The following ERICH6 variants were observed in gnomAD, a reference collection of about 807,000 sequenced individuals.
The protein encoded by ERICH6 is glutamate rich 6.
ERICH6 carries 71 observed loss-of-function variants against 71.0 expected under a neutral mutation model. The observed-to-expected ratio is 1.00, with a 90% CI of 0.83 to 1.22. ERICH6 has a LOEUF of 1.22. ERICH6 is among the 50% of genes most tolerant of loss of function. The pLI is 0.00. For missense variants in ERICH6, 808 were observed against 797.2 expected (o/e 1.01, Z -0.16); for synonymous variants, 262 against 278.4 (o/e 0.94, Z 0.59).
intron 11 of ERICH6, among the ~76,000 whole-genome samples, chr3:150,672,306 A>C (rs1711510355): frequency 9.3e-6 from 1 of 107,262 alleles, no homozygotes; most frequent in East Asian, 3.4e-4. Flanking sequence ...ACATTTTAAA[A>C]AACCCCATAG....
intron 13 of ERICH6, among the ~76,000 whole-genome samples, chr3:150,664,607 A>G (rs36121121): frequency 6.6e-6 from 1 of 151,710 alleles, no homozygotes; most frequent in African/African-American, 2.4e-5. Context: ...AGATCACTCC[A>G]CTGCACTCCA....
intron 3 of ERICH6, among the ~76,000 whole-genome samples, chr3:150,693,061 G>T (rs528305401): frequency 6.6e-6 from 1 of 152,218 alleles, no homozygotes; most frequent in African/African-American, 2.4e-5. Context: ...TTGTTTTTCA[G>T]ACTCAAGAAA....
At chr3:150,669,158 C>G (rs1711496524) in intron 12 of ERICH6, 138 bp downstream of exon 12, 2 of 905,070 alleles carry the variant, frequency 2.2e-6, no homozygotes, top group Non-Finnish European at 3.1e-6. Flanking sequence ...AAAAATGTCT[C>G]TGAGTTGAAC....
chr3:150,689,283 T>C (rs1712325011), intron 3 of ERICH6, among the ~76,000 whole-genome samples: 1 of 152,176 alleles, frequency 6.6e-6, no homozygotes, highest in Admixed American at 6.5e-5. Context: ...AACTATTTTA[T>C]ATAACATATA....
rs1426053053 is a variant in ERICH6, at chr3:150,699,734, A to AAC, written c.462-854_462-853dup. Among the ~76,000 whole-genome samples the AAC allele has an allele frequency of 6.0e-5, 9 of 150,052 alleles. No individual in the cohort carries two copies. In the East Asian group the frequency reaches 1.7e-3, roughly 29 times the overall value. On this transcript the variant is annotated intron_variant, in intron 2 of 13. Coordinates refer to ENST00000295910, the MANE Select transcript of ERICH6 (RefSeq NM_152394.5). ...CAAAGAGATAAAAACAAAAAAAAAA[A>AAC]ACACAAAAAACAAACCAAATAATTT...
At chr3:150,674,128 G>T in intron 10 of ERICH6, 87 bp from the exon 11 acceptor site, 2 of 1,036,292 alleles carry the variant, frequency 1.9e-6, no homozygotes, top group South Asian at 1.4e-5. Context: ...CTGGTTACTA[G>T]ACAGTCATAC....
chr3:150,693,460 A>G lies in ERICH6; in HGVS notation c.553+5331T>C, dbSNP rs548558261. Among the ~76,000 whole-genome samples the G allele has an allele frequency of 1.6e-3, 245 of 152,276 alleles. 3 individuals carry two copies. Among genetic ancestry groups the G allele is most frequent in the Middle Eastern group, 3.4e-3 (1 of 294 alleles). On this transcript the variant is annotated intron_variant, in intron 3 of 13. Transcript: ENST00000295910. Reference sequence around the variant, plus strand: ...CTTTCTGACAGGCCTAGGAGCCCCAACTTTTATCTTGGAACTTCAAGAGGA... The same window carrying G: ...CTTTCTGACAGGCCTAGGAGCCCCAGCTTTTATCTTGGAACTTCAAGAGGA...
Position 150,698,794 on chromosome 3 carries a change from A to G in ERICH6, c.550T>C (p.Ser184Pro). 2 of 1,612,770 alleles carry G rather than the reference A, an allele frequency of 1.2e-6. No individual in the cohort carries two copies. Among genetic ancestry groups the G allele is most frequent in the Non-Finnish European group, 1.7e-6 (2 of 1,178,942 alleles). The change falls in exon 3 of 14, where the codon TCG becomes CCG. Residue 184 changes from serine to proline, a missense_variant. This residue lies in a region of ERICH6 where 736 missense variants were observed against 712.2 expected (regional missense o/e 1.03). Transcript: ENST00000295910. ...WLQDLSDKVQ[S>P]RKKASKEKAE... ...GCTAAGAAATCAAACTACTCACTCG[A>G]TTGCACTTTATCAGACAAATCTTGG...
intron 3 of ERICH6, among the ~76,000 whole-genome samples, chr3:150,690,901 A>AG (rs760285962): frequency 7.2e-5 from 11 of 152,250 alleles, no homozygotes; most frequent in Non-Finnish European, 1.6e-4. Context: ...AAATTTAGTA[A>AG]GATTACCATA....
In ERICH6 at chr3:150,703,542, A is replaced by C. The variant is rs1559924124; in HGVS notation, c.357T>G (p.Thr119=). 1 of 1,612,142 alleles carries C rather than the reference A, an allele frequency of 6.2e-7. No individual in the cohort carries two copies. The highest frequency in any genetic ancestry group is 8.5e-7 in the Non-Finnish European group (1 of 1,179,220). The change falls in exon 1 of 14, where the codon ACT becomes ACG. Residue 119 remains threonine (T), a synonymous_variant. Coordinates refer to ENST00000295910, the MANE Select transcript of ERICH6 (RefSeq NM_152394.5). ...AGGGTGGGCTTGCGCTCGGCGTTTC[A>C]GTGCTGGTCGCGCTCTGGCTGGGCA... ...TFVPSQSATS[T]ETPSASPPSS... is the part of the protein sequence containing the mutation.
chr3:150,687,752 A>G (rs1712258008), intron 3 of ERICH6, among the ~76,000 whole-genome samples: 1 of 152,208 alleles, frequency 6.6e-6, no homozygotes, highest in Non-Finnish European at 1.5e-5. Flanking sequence ...AGAGGCTATT[A>G]AAATGCAAGG....
intron 3 of ERICH6, among the ~76,000 whole-genome samples, chr3:150,695,999 A>G (rs73004850): frequency 0.011 from 1,693 of 152,092 alleles, 25 homozygotes; most frequent in African/African-American, 0.038. Context: ...TAATATTTTG[A>G]AAAAGAATAA....
rs1713043575 is a variant in ERICH6 at position 150,703,737 on chromosome 3, CTCCTCCTCCTCCTCCTCCACCTCT to C, written c.138_161del (p.Glu47_Glu54del). 2 of 1,551,894 alleles carry C rather than the reference CTCCTCCTCCTCCTCCTCCACCTCT, an allele frequency of 1.3e-6. No individual in the cohort carries two copies. The highest frequency in any genetic ancestry group is 1.4e-5 in the African/African-American group (1 of 73,346). On this transcript the variant is annotated inframe_deletion, in exon 1 of 14. Coordinates refer to ENST00000295910, the MANE Select transcript of ERICH6 (RefSeq NM_152394.5). The stretch of plus-strand genomic sequence containing the variant: ...CCCCCACCAACTCCTCCTCCACCAC[CTCCTCCTCCTCCTCCTCCACCTCT>C]TCCTCCTCCTCCTCCACCTCTTCCT...
chr3:150,686,333 TTC>T lies in ERICH6; in HGVS notation c.573_574del (p.Lys192SerfsTer2), dbSNP rs1411219925. 5.0e-6 allele frequency: 8 copies of T among 1,614,072 alleles called. No homozygotes were observed. The highest frequency in any genetic ancestry group is 1.3e-5 in the African/African-American group (1 of 74,914). Reference sequence around the variant, plus strand: ...AGATGCCAGACATTCAGGTTCAGCTTTCTCTTTAGAGGCTTTCTTCCCTGTGA... The same window carrying T: ...AGATGCCAGACATTCAGGTTCAGCTTTCTTTAGAGGCTTTCTTCCCTGTGA... On this transcript the variant is annotated frameshift_variant, in exon 4 of 14. Coordinates refer to ENST00000295910, the MANE Select transcript of ERICH6 (RefSeq NM_152394.5). LOFTEE classifies it high-confidence loss of function.
chr3:150,698,731 G>T, intron 3 of ERICH6, 60 bp downstream of exon 3: 2 of 1,385,302 alleles, frequency 1.4e-6, no homozygotes, highest in Non-Finnish European at 2.1e-6. Flanking sequence ...TTCTACACCT[G>T]TGATATTTCC....
chr3:150,672,888 A>AGTGGTGCATGCCT (rs1317474341), intron 11 of ERICH6, among the ~76,000 whole-genome samples: 2 of 151,728 alleles, frequency 1.3e-5, no homozygotes, highest in Non-Finnish European at 2.9e-5. Flanking sequence ...AGCCAGGTGT[A>AGTGGTGCATGCCT]GTGGTGCATG....
intron 3 of ERICH6, among the ~76,000 whole-genome samples, chr3:150,688,867 C>CACCA (rs1712303709): frequency 6.6e-6 from 1 of 152,186 alleles, no homozygotes. Flanking sequence ...CCAAACTGTG[C>CACCA]TCTGACCACC....
At chr3:150,667,056 T>C in intron 12 of ERICH6, 41 bp from the exon 13 acceptor site, 1 of 1,542,082 alleles carries the variant, frequency 6.5e-7, no homozygotes. Flanking sequence ...ACAGTAACAC[T>C]GTAATTAAAT....
At chr3:150,665,992 C>A (rs899341727) in intron 13 of ERICH6, among the ~76,000 whole-genome samples, 1 of 152,032 alleles carries the variant, frequency 6.6e-6, no homozygotes, top group Non-Finnish European at 1.5e-5. Flanking sequence ...CAAGTACCAC[C>A]CTTAGTACTT....
Sources: gnomAD v4.1 joint callset for allele counts (sites outside exome capture counted in the v4.1 genomes callset) on GRCh38, gnomAD v4.1.1 for gene constraint, gnomAD v4.1.1 regional missense constraint, MANE v1.5 for transcripts, NCBI Gene and HGNC (gene_info 2026-07-23, HGNC 2026-07-21) for gene names.